ENTPD5: variants seen among roughly 807,000 people sequenced by gnomAD.
ENTPD5 encodes the protein ectonucleoside triphosphate diphosphohydrolase 5 (inactive), also known as nucleoside diphosphate phosphatase ENTPD5.
Under a neutral mutation model 60.2 loss-of-function variants are expected in ENTPD5, and 49 were observed. The observed-to-expected ratio is 0.81, with a 90% CI of 0.65 to 1.03. The LOEUF (loss-of-function observed/expected upper bound fraction) is 1.03. Ranked by LOEUF, ENTPD5 falls within the 50% of genes least tolerant of loss-of-function variation. The pLI, the probability that ENTPD5 is intolerant of heterozygous loss-of-function variation, is 0.00. For missense variants in ENTPD5, 480 were observed against 507.6 expected (o/e 0.95, Z 0.52); for synonymous variants, 187 against 185.4 (o/e 1.01, Z -0.07).
chr14:74,009,439 TG>T (rs1200496909), intron 3 of ENTPD5, among the ~76,000 whole-genome samples: 1 of 152,240 alleles, frequency 6.6e-6, no homozygotes, highest in East Asian at 1.9e-4. Flanking sequence ...AAATAGCTAC[TG>T]CTTCAAACAT....
chr14:73,955,846 G>A (rs776481322), downstream of ENTPD5: 4 of 1,614,128 alleles, frequency 2.5e-6, no homozygotes, highest in Non-Finnish European at 3.4e-6. Flanking sequence ...TGTTTGATAA[G>A]GATAATTTAG....
chr14:73,976,854 A>G (rs1161365365), intron 8 of ENTPD5, among the ~76,000 whole-genome samples, 170 bp downstream of exon 8: 1 of 152,004 alleles, frequency 6.6e-6, no homozygotes, highest in Non-Finnish European at 1.5e-5. Flanking sequence ...GATCTGCCCA[A>G]CTCAGCCTCC....
In ENTPD5 at chr14:73,992,211, G is replaced by A. The variant is rs574904545; in HGVS notation, c.-70-4039C>T. On this transcript the variant is annotated intron_variant, in intron 3 of 15. Transcript: ENST00000334696. ...CTCTGGATCTCTTATGTAAGTCATA[G>A]TTTACTGGTTAAGTGACAAGATCTG... Among the ~76,000 whole-genome samples, 12 of 152,166 alleles carry A rather than the reference G, an allele frequency of 7.9e-5. No individual in the cohort carries two copies. The South Asian group carries it at 2.5e-3, about 32-fold the overall frequency.
chr14:73,958,482 G>C, downstream of ENTPD5: 4 of 1,406,784 alleles, frequency 2.8e-6, no homozygotes, highest in South Asian at 4.2e-5. Context: ...GGCCGTCTTA[G>C]GTTGTGAAAT....
chr14:73,955,507 C>A, downstream of ENTPD5: 1 of 1,613,672 alleles, frequency 6.2e-7, no homozygotes, highest in Non-Finnish European at 8.5e-7. Flanking sequence ...TCGGCGAATG[C>A]AGGTGCCCCT....
At chr14:74,003,677 G>T (rs1215551413) in intron 3 of ENTPD5, among the ~76,000 whole-genome samples, 1 of 152,124 alleles carries the variant, frequency 6.6e-6, no homozygotes, top group Non-Finnish European at 1.5e-5. Context: ...TTGGTCCTCT[G>T]CCCTGGACCT....
rs889454684 is a variant in ENTPD5, at chr14:73,976,468, T to C, written c.554-56A>G. The C allele has an allele frequency of 2.2e-6, 3 of 1,372,066 alleles. No individual in the cohort carries two copies. In the Admixed American group the frequency reaches 5.1e-5, roughly 23 times the overall value. 85.0% of individuals were successfully genotyped at this position (1,372,066 alleles called of 1,614,324 possible). ...TCGACATCCTGGGCAGCCCAACACT[T>C]GTCTCTCTTGCTCTTATCATACACT... On this transcript the variant is annotated intron_variant, in intron 8 of 15. Transcript: ENST00000334696.
At chr14:74,003,527 C>A in intron 3 of ENTPD5, 1 of 944,370 alleles carries the variant, frequency 1.1e-6, no homozygotes, top group Non-Finnish European at 1.6e-6. Flanking sequence ...CATGGAATGC[C>A]AGATGCTGGG....
rs778951644 is a variant in ENTPD5 at position 73,988,093 on chromosome 14, A to T, written c.10T>A (p.Ser4Thr). Reference sequence around the variant, plus strand: ...AGCATGAAAAAGACTGTGCCCCAAGAAGTGGCCATTCTTTTCCCAAGATGT... The same window carrying T: ...AGCATGAAAAAGACTGTGCCCCAAGTAGTGGCCATTCTTTTCCCAAGATGT... MATSWGTVFFMLVV... is the reference protein window; with the variant it reads MATTWGTVFFMLVV... The change falls in exon 4 of 16, where the codon TCT becomes ACT. Residue 4 changes from serine to threonine, a missense_variant. By Grantham distance (58) the Ser-to-Thr change is moderately conservative. Transcript: ENST00000334696. 6.2e-7 allele frequency: 1 copy of T among 1,610,294 alleles called. No individual in the cohort carries two copies. Among genetic ancestry groups the T allele is most frequent in the Non-Finnish European group, 8.5e-7 (1 of 1,178,714 alleles).
At chr14:73,975,053 C>A in intron 10 of ENTPD5, 68 bp from the exon 11 acceptor site, 2 of 1,169,366 alleles carry the variant, frequency 1.7e-6, no homozygotes, top group Admixed American at 1.9e-5. Flanking sequence ...CTACCTCTTT[C>A]AAAAGTAACA....
chr14:74,002,210 G>A (rs2058533134), intron 3 of ENTPD5, among the ~76,000 whole-genome samples: 1 of 152,088 alleles, frequency 6.6e-6, no homozygotes, highest in Non-Finnish European at 1.5e-5. Context: ...TAAATGAAAT[G>A]AGCCAGAAAT....
chr14:74,014,098 C>T (rs1054477671), intron 2 of ENTPD5, among the ~76,000 whole-genome samples: 1 of 151,884 alleles, frequency 6.6e-6, no homozygotes, highest in African/African-American at 2.4e-5. Flanking sequence ...TTGGGATGGA[C>T]AACTAATAAA....
At chr14:73,996,084 C>A (rs995968169) in intron 3 of ENTPD5, 2 of 937,420 alleles carry the variant, frequency 2.1e-6, no homozygotes, top group African/African-American at 3.6e-5. Context: ...TCCCAGAGGA[C>A]CTGGGCCCCA....
chr14:73,977,459 T>C (rs997558234), intron 6 of ENTPD5, 85 bp from the exon 7 acceptor site: 5 of 999,462 alleles, frequency 5.0e-6, no homozygotes, highest in Non-Finnish European at 7.3e-6. Context: ...CTGTAAGACT[T>C]AGAAAACTAC....
At chr14:73,979,566 G>T (rs2057587640) in intron 6 of ENTPD5, among the ~76,000 whole-genome samples, 1 of 151,506 alleles carries the variant, frequency 6.6e-6, no homozygotes, top group Non-Finnish European at 1.5e-5. Context: ...CTGCCTCCCG[G>T]GTTCACACCA....
At chr14:74,008,824 C>G (rs1454274285) in intron 3 of ENTPD5, 2 of 152,194 alleles carry the variant, frequency 1.3e-5, no homozygotes, top group Non-Finnish European at 2.9e-5. Context: ...TACCACCATG[C>G]CTGGCTGGAT....
In ENTPD5 at chr14:73,965,744, T is replaced by C. The variant is rs1039513673; in HGVS notation, c.*1184A>G. 1 of 151,920 alleles carries C rather than the reference T, an allele frequency of 6.6e-6. No homozygotes were observed. Among genetic ancestry groups the C allele is most frequent in the Non-Finnish European group, 1.5e-5 (1 of 67,994 alleles). The allele number at this position is 151,920 out of a possible 1,614,324, so 9.4% of individuals were successfully genotyped here. ...TCAAAAAAAAGTGCAAGATAATGAA[T>C]TTGGGGTAAATAATTCACAGTCAAG... On this transcript the variant is annotated 3_prime_UTR_variant, in exon 16 of 16. Transcript: ENST00000334696.
intron 14 of ENTPD5, among the ~76,000 whole-genome samples, chr14:73,971,466 C>T (rs566208252): frequency 6.6e-6 from 1 of 152,166 alleles, no homozygotes; most frequent in East Asian, 1.9e-4. Flanking sequence ...CTCCTAAAAC[C>T]TCTTGTATTC....
chr14:73,990,474 A>G (rs2058086326), intron 3 of ENTPD5, among the ~76,000 whole-genome samples: 1 of 151,538 alleles, frequency 6.6e-6, no homozygotes, highest in South Asian at 2.1e-4. Flanking sequence ...AGTTGGGATT[A>G]CACGTGTGTG....
Sources: allele counts gnomAD v4.1 joint callset (sites outside exome capture counted in the v4.1 genomes callset), GRCh38; gene constraint gnomAD v4.1.1; transcripts MANE v1.5; gene names NCBI Gene and HGNC (gene_info 2026-07-23, HGNC 2026-07-21).